The following AVEN variants were observed in gnomAD, a reference collection of about 807,000 sequenced individuals.
The protein encoded by AVEN is cell death regulator Aven.
In AVEN, 41 loss-of-function variants were observed where a neutral mutation model predicts 38.1. That is an observed-to-expected ratio of 1.08 (90% CI 0.84 to 1.40). The LOEUF is 1.40. AVEN is among the 40% of genes most tolerant of loss of function. AVEN has a pLI of 0.00. For synonymous variants in AVEN, 206 were observed against 171.8 expected, an observed-to-expected ratio of 1.20 and a Z score of -1.56; for missense variants, 605 against 438.8, an observed-to-expected ratio of 1.38 and a Z score of -3.38.
At chr15:34,007,163 C>T (rs1033109418) in intron 1 of AVEN, 3 of 409,426 alleles carry the variant, frequency 7.3e-6, no homozygotes, top group African/African-American at 6.5e-5. Flanking sequence ...TGTCCAATGA[C>T]ACACACACAC....
At chr15:33,936,391 G>A (rs1044096410) in intron 2 of AVEN, among the ~76,000 whole-genome samples, 6 of 151,992 alleles carry the variant, frequency 3.9e-5, no homozygotes, top group Non-Finnish European at 7.4e-5. Flanking sequence ...CAATCCTTGC[G>A]TTATACCAAA....
chr15:34,014,397 C>A lies in AVEN; in HGVS notation c.268-11188G>T, dbSNP rs1304159770. Among the ~76,000 whole-genome samples, 153 of 105,242 alleles carry A rather than the reference C, an allele frequency of 1.5e-3. 4 individuals carry two copies. The highest frequency in any genetic ancestry group is 7.8e-3 in the African/African-American group (139 of 17,770). The allele number at this position is 105,242 out of a possible 152,430, so 69.0% of individuals were successfully genotyped here. ...AAAAAAAAAAAAACAAAAACAAAAA[C>A]CACGTTTGAGGATTCTGGGAAGATG... On this transcript the variant is annotated intron_variant, in intron 1 of 5. Transcript: ENST00000306730.
At chr15:34,053,319 A>AAATATATATATATATATAT in intron 5 of AVEN, among the ~76,000 whole-genome samples, 1 of 42,070 alleles carries the variant, frequency 2.4e-5, no homozygotes, top group African/African-American at 8.0e-5. Flanking sequence ...AAAAAAAAAA[A>AAATATATATATATATATAT]ATATATATAT....
chr15:34,071,084 C>A (rs1900614752), intron 1 of AVEN, among the ~76,000 whole-genome samples: 2 of 152,114 alleles, frequency 1.3e-5, no homozygotes, highest in African/African-American at 2.4e-5. Flanking sequence ...TCCAGTGATG[C>A]CTTCATGCTC....
At chr15:33,980,337 A>G (rs1020748649) in intron 2 of AVEN, among the ~76,000 whole-genome samples, 1 of 152,182 alleles carries the variant, frequency 6.6e-6, no homozygotes, top group Non-Finnish European at 1.5e-5. Flanking sequence ...GTAATGTCTT[A>G]ACTTGACAAG....
intron 2 of AVEN, among the ~76,000 whole-genome samples, chr15:33,907,802 A>C (rs1229454114): frequency 6.6e-6 from 1 of 151,976 alleles, no homozygotes; most frequent in Non-Finnish European, 1.5e-5. Context: ...AAAAAAAAAA[A>C]AACTATATGG....
intron 2 of AVEN, among the ~76,000 whole-genome samples, chr15:33,916,174 C>T (rs1470870944): frequency 6.6e-6 from 1 of 152,230 alleles, no homozygotes; most frequent in East Asian, 1.9e-4. Flanking sequence ...ACTACCACAG[C>T]TGATGCCCTC....
chr15:34,060,980 T>C (rs888909780), intron 5 of AVEN, among the ~76,000 whole-genome samples: 2 of 150,142 alleles, frequency 1.3e-5, no homozygotes, highest in Non-Finnish European at 2.9e-5. Flanking sequence ...AGCGCCACTG[T>C]ACTCCAGCTT....
chr15:34,067,748 C>A (rs1392402132), intron 2 of AVEN, among the ~76,000 whole-genome samples: 1 of 152,172 alleles, frequency 6.6e-6, no homozygotes, highest in Non-Finnish European at 1.5e-5. Context: ...AAACCACAGT[C>A]CTTTACCGAG....
At chr15:33,978,995 T>C (rs992409133) in intron 2 of AVEN, among the ~76,000 whole-genome samples, 1 of 152,130 alleles carries the variant, frequency 6.6e-6, no homozygotes, top group Non-Finnish European at 1.5e-5. Flanking sequence ...AAATGGGACC[T>C]ACTGGCTCAT....
rs544489741 is a variant in AVEN at position 34,063,960 on chromosome 15, A to G, written n.1127-528T>C. On this transcript the variant is annotated intron_variant and non_coding_transcript_variant, in intron 4 of 11. Transcript: ENST00000675287. This position sits in a 1 kb window ranked among gnomAD's most constrained non-coding sequence, Gnocchi z 4.1. ...CTTCCCAGTGGCCAAGGAACCTTCA[A>G]CGAAAGGCCTCAATCCCAACCCCAG... The G allele has an allele frequency of 1.9e-6, 3 of 1,614,162 alleles. No homozygotes were observed. The highest frequency in any genetic ancestry group is 3.3e-5 in the Admixed American group (2 of 60,024).
At chr15:34,056,477 T>C (rs1900155169) in intron 5 of AVEN, among the ~76,000 whole-genome samples, 1 of 152,248 alleles carries the variant, frequency 6.6e-6, no homozygotes. Flanking sequence ...AATTAAGTAA[T>C]GTTCTCTACT....
At position 33,997,004 on chromosome 15, in the gene AVEN, A is replaced by G. The variant is rs2140597326; in HGVS notation, c.445+6028T>C. Among the ~76,000 whole-genome samples the G allele has an allele frequency of 1.3e-5, 2 of 152,248 alleles. 1 individual carries two copies. Among genetic ancestry groups the G allele is most frequent in the East Asian group, 3.8e-4 (2 of 5,200 alleles). On this transcript the variant is annotated intron_variant, in intron 2 of 5. Coordinates refer to ENST00000306730, the MANE Select transcript of AVEN (RefSeq NM_020371.3). ...CTAACTAGAATAAACAGCGTAGAGA[A>G]GACCTTAAATTACCCGATGGGGCTG...
rs1252765086 is a variant in AVEN at position 34,038,813 on chromosome 15, C to T, written c.234G>A (p.Glu78=). 79 of 1,194,274 alleles carry T rather than the reference C, an allele frequency of 6.6e-5. No homozygotes were observed. The highest frequency in any genetic ancestry group is 8.2e-5 in the Non-Finnish European group (79 of 963,338). 74.0% of individuals were successfully genotyped at this position (1,194,274 alleles called of 1,614,324 possible). ...GGGAPRGSRR[E]PGGWGAGASA... ...TGGCCCCTGCGCCCCAGCCTCCCGG[C>T]TCCCGGCGGCTGCCTCGCGGGGCGC... The change falls in exon 1 of 6, where the codon GAG becomes GAA. Residue 78 remains glutamate, a synonymous_variant. Coordinates refer to ENST00000306730, the MANE Select transcript of AVEN (RefSeq NM_020371.3).
At chr15:34,028,844 G>C (rs1258444814) in intron 1 of AVEN, among the ~76,000 whole-genome samples, 2 of 151,418 alleles carry the variant, frequency 1.3e-5, no homozygotes, top group Admixed American at 6.6e-5. Flanking sequence ...CACCATCATC[G>C]GCCACCACAT....
At position 33,962,675 on chromosome 15, in the gene AVEN, A is replaced by ATCTG. The variant is rs1053434712; in HGVS notation, c.445+40353_445+40356dup. Among the ~76,000 whole-genome samples, 8 of 38,858 alleles carry ATCTG rather than the reference A, an allele frequency of 2.1e-4. No homozygotes were observed. The South Asian group carries it at 6.4e-3, about 31-fold the overall frequency. The allele number at this position is 38,858 out of a possible 152,430, so 25.5% of individuals were successfully genotyped here. On this transcript the variant is annotated intron_variant, in intron 2 of 5. Transcript: ENST00000306730. ...AAATCACTAAATTTCCCTGCATAAT[A>ATCTG]TCTGTCTGTCTATAATTCCCCCCTT... is the stretch of plus-strand genomic sequence containing the variant.
intron 2 of AVEN, among the ~76,000 whole-genome samples, chr15:33,994,008 A>C (rs1896833898): frequency 6.6e-6 from 1 of 152,216 alleles, no homozygotes; most frequent in South Asian, 2.1e-4. Context: ...TCTTCTGAAC[A>C]TACAGCTGTG....
At chr15:34,068,441 A>G (rs961383013) in intron 2 of AVEN, among the ~76,000 whole-genome samples, 4 of 152,120 alleles carry the variant, frequency 2.6e-5, no homozygotes, top group African/African-American at 9.7e-5. Flanking sequence ...TCCTGGGCTC[A>G]GGCAATCCAC....
chr15:33,975,669 C>G (rs534591204), intron 2 of AVEN, among the ~76,000 whole-genome samples: 7 of 152,238 alleles, frequency 4.6e-5, no homozygotes, highest in South Asian at 4.1e-4. Context: ...CGGTGGCTCA[C>G]GCCTGTAATC....
Sources: gnomAD v4.1 joint callset for allele counts (sites outside exome capture counted in the v4.1 genomes callset) on GRCh38, gnomAD v4.1.1 for gene constraint, Gnocchi (gnomAD v3.1) non-coding constraint, MANE v1.5 for transcripts, NCBI Gene and HGNC (gene_info 2026-07-23, HGNC 2026-07-21) for gene names.